The following SH3BGRL2 variants were observed in gnomAD, a reference collection of about 807,000 sequenced individuals.
SH3BGRL2 encodes the protein SH3 domain-binding glutamic acid-rich-like protein 2.
A neutral mutation model predicts 14.8 loss-of-function variants in SH3BGRL2; 21 were observed. That is an observed-to-expected ratio of 1.42 (90% CI 1.01 to 2.05). The LOEUF is 2.05. Ranked by LOEUF, SH3BGRL2 falls within the 30% of genes most tolerant of loss-of-function variation. The pLI is 0.00. For synonymous variants in SH3BGRL2, 50 were observed against 47.8 expected (o/e 1.05, Z -0.19); for missense variants, 147 against 130.8 (o/e 1.12, Z -0.61).
the SH3BGRL2 span, among the ~76,000 whole-genome samples, chr6:79,582,876 A>T: frequency 6.6e-6 from 1 of 152,218 alleles, no homozygotes; most frequent in East Asian, 1.9e-4. Context: ...AAATTTTTGC[A>T]ATCTACCCAT....
intron 1 of SH3BGRL2, among the ~76,000 whole-genome samples, chr6:79,652,225 G>A (rs1418728177): frequency 6.6e-6 from 1 of 152,168 alleles, no homozygotes; most frequent in Non-Finnish European, 1.5e-5. Flanking sequence ...AAGTGTGTCT[G>A]CAGCAGGGCT....
At chr6:79,578,661 A>G in the SH3BGRL2 span, among the ~76,000 whole-genome samples, 1 of 152,214 alleles carries the variant, frequency 6.6e-6, no homozygotes, top group Non-Finnish European at 1.5e-5. Context: ...AACATCAAAT[A>G]CCAAAGGTTG....
At chr6:79,578,742 T>C in the SH3BGRL2 span, among the ~76,000 whole-genome samples, 1 of 152,002 alleles carries the variant, frequency 6.6e-6, no homozygotes, top group Non-Finnish European at 1.5e-5. Flanking sequence ...GTGCCTCTTC[T>C]CCCACAAAGG....
the SH3BGRL2 span, among the ~76,000 whole-genome samples, chr6:79,559,696 C>T: frequency 2.6e-5 from 4 of 152,230 alleles, no homozygotes; most frequent in South Asian, 4.1e-4. Context: ...AATGTACTGA[C>T]GTTGATAATC....
At chr6:79,555,443 C>T in the SH3BGRL2 span, among the ~76,000 whole-genome samples, 2 of 152,066 alleles carry the variant, frequency 1.3e-5, no homozygotes, top group African/African-American at 2.4e-5. Context: ...GAGCAAGACT[C>T]CATCTCAAAA....
the SH3BGRL2 span, chr6:79,575,379 G>T: frequency 4.6e-5 from 7 of 152,084 alleles, no homozygotes; most frequent in African/African-American, 1.7e-4. Context: ...ATATTGGTGG[G>T]TTTATTAATA....
At chr6:79,673,418 A>G (rs958292921) in intron 1 of SH3BGRL2, among the ~76,000 whole-genome samples, 196 bp from the exon 2 acceptor site, 6 of 152,128 alleles carry the variant, frequency 3.9e-5, no homozygotes, top group African/African-American at 1.4e-4. Flanking sequence ...CAAAATAGCA[A>G]TAACAACATC....
At chr6:79,559,538 G>A in the SH3BGRL2 span, among the ~76,000 whole-genome samples, 1 of 152,124 alleles carries the variant, frequency 6.6e-6, no homozygotes, top group Non-Finnish European at 1.5e-5. Context: ...GTTCCTCCAA[G>A]AATAGAGACT....
intron 1 of SH3BGRL2, among the ~76,000 whole-genome samples, chr6:79,637,399 A>T (rs1289963638): frequency 6.6e-6 from 1 of 152,156 alleles, no homozygotes; most frequent in East Asian, 1.9e-4. Flanking sequence ...ATTTATTTGA[A>T]AATCAAAATG....
At chr6:79,629,448 TA>T (rs138307259), upstream of SH3BGRL2, among the ~76,000 whole-genome samples, 15,972 of 149,516 alleles carry the variant, frequency 0.11, 1,135 homozygotes, top group Non-Finnish European at 0.16. Context: ...GGGGGACCCT[TA>T]CAACCTCTAG....
the SH3BGRL2 span, among the ~76,000 whole-genome samples, chr6:79,585,583 C>G: frequency 6.6e-6 from 1 of 152,150 alleles, no homozygotes; most frequent in Non-Finnish European, 1.5e-5. Flanking sequence ...CCTGACGACT[C>G]TCTAGTGTGC....
chr6:79,670,093 G>T (rs1769743219), intron 1 of SH3BGRL2, among the ~76,000 whole-genome samples: 1 of 152,250 alleles, frequency 6.6e-6, no homozygotes, highest in African/African-American at 2.4e-5. Flanking sequence ...GAGTGAATGG[G>T]TGTTGCTGTG....
intron 2 of SH3BGRL2, among the ~76,000 whole-genome samples, chr6:79,682,543 A>G (rs1454579730): frequency 6.6e-6 from 1 of 152,124 alleles, no homozygotes; most frequent in Non-Finnish European, 1.5e-5. Flanking sequence ...AAATGCTAAC[A>G]TATCTCCTTG....
chr6:79,641,829 C>T (rs1300027292), intron 1 of SH3BGRL2, among the ~76,000 whole-genome samples: 1 of 152,140 alleles, frequency 6.6e-6, no homozygotes, highest in Non-Finnish European at 1.5e-5. Flanking sequence ...GTACATACTA[C>T]TTACTAGGCT....
chr6:79,551,211 A>T, the SH3BGRL2 span, among the ~76,000 whole-genome samples: 48 of 152,326 alleles, frequency 3.2e-4, no homozygotes, highest in African/African-American at 1.1e-3. Context: ...TTTCCATTAC[A>T]AGCTGCAAGG....
chr6:79,546,842 G>C, the SH3BGRL2 span, among the ~76,000 whole-genome samples: 1 of 151,936 alleles, frequency 6.6e-6, no homozygotes, highest in African/African-American at 2.4e-5. Context: ...ACCATGCCCG[G>C]CTAATTTTTT....
intron 1 of SH3BGRL2, among the ~76,000 whole-genome samples, chr6:79,654,927 C>T (rs1042107827): frequency 1.3e-5 from 2 of 152,166 alleles, no homozygotes; most frequent in African/African-American, 2.4e-5. Flanking sequence ...ACCTGGTTTA[C>T]ATCCTAGCAG....
At chr6:79,592,392 T>C in the SH3BGRL2 span, among the ~76,000 whole-genome samples, 32,036 of 152,038 alleles carry the variant, frequency 0.21, 3,902 homozygotes, top group Middle Eastern at 0.41. Flanking sequence ...ACAGGAGAAA[T>C]AGATATACAA....
the SH3BGRL2 span, among the ~76,000 whole-genome samples, chr6:79,569,119 G>A: frequency 6.6e-6 from 1 of 152,158 alleles, no homozygotes; most frequent in Non-Finnish European, 1.5e-5. Flanking sequence ...TAAGATGTAC[G>A]ATATACATTG....
Sources: gnomAD v4.1 joint callset for allele counts (sites outside exome capture counted in the v4.1 genomes callset) on GRCh38, gnomAD v4.1.1 for gene constraint, MANE v1.5 for transcripts, NCBI Gene and HGNC (gene_info 2026-07-23, HGNC 2026-07-21) for gene names.